Variants in ZSWIM6 observed in about 807,000 individuals in gnomAD.
ZSWIM6 encodes the protein zinc finger SWIM domain-containing protein 6.
Under a neutral mutation model 113.2 loss-of-function variants are expected in ZSWIM6, and 9 were observed. The ratio of observed to expected loss-of-function variants is 0.08; its 90% CI spans 0.05 to 0.14. The LOEUF is 0.14. Among genes scored for constraint, ZSWIM6 ranks in the 10% least tolerant of loss-of-function variants. The probability of loss-of-function intolerance (pLI) is 1.00; values close to 1 mark genes in which losing one functional copy is unlikely to be tolerated. For missense variants in ZSWIM6, 1,162 were observed against 1,552.2 expected (o/e 0.75, Z 4.22); for synonymous variants, 611 against 606.5 (o/e 1.01, Z -0.11).
intron 1 of ZSWIM6, among the ~76,000 whole-genome samples, chr5:61,469,299 T>A (rs779982342): frequency 2.0e-5 from 3 of 152,234 alleles, no homozygotes; most frequent in Non-Finnish European, 1.5e-5. Flanking sequence ...TTTAGAAATA[T>A]TTCTGTCAAA....
Position 61,526,236 on chromosome 5 carries a change from A to T in ZSWIM6, c.1691-14A>T. 2 of 1,538,594 alleles carry T rather than the reference A, an allele frequency of 1.3e-6. No individual in the cohort carries two copies. The highest frequency in any genetic ancestry group is 1.8e-6 in the Non-Finnish European group (2 of 1,141,806). On this transcript the variant is annotated splice_polypyrimidine_tract_variant and intron_variant, in intron 6 of 13. Transcript: ENST00000252744. ...TGACAGTGGCAACTTTACCCCCTTG[A>T]CTTTCTGTTTTAGAACATGTTCCTA...
chr5:61,366,283 C>T (rs1021020538), intron 1 of ZSWIM6, among the ~76,000 whole-genome samples: 2 of 152,186 alleles, frequency 1.3e-5, no homozygotes, highest in African/African-American at 4.8e-5. Context: ...AATATACCAA[C>T]CTGTACCCAC....
intron 1 of ZSWIM6, among the ~76,000 whole-genome samples, chr5:61,456,511 A>G (rs1747208461): frequency 6.6e-6 from 1 of 152,244 alleles, no homozygotes; most frequent in East Asian, 1.9e-4. Context: ...GTCCCCAGCT[A>G]GTTTATAAGT....
At chr5:61,389,905 A>G (rs753122275) in intron 1 of ZSWIM6, among the ~76,000 whole-genome samples, 2 of 152,240 alleles carry the variant, frequency 1.3e-5, no homozygotes, top group Non-Finnish European at 2.9e-5. Context: ...TGATCTGGGA[A>G]TAAAAAAAGC....
intron 4 of ZSWIM6, among the ~76,000 whole-genome samples, chr5:61,515,638 G>A (rs1349912608): frequency 6.6e-6 from 1 of 152,148 alleles, no homozygotes; most frequent in Middle Eastern, 3.2e-3. Flanking sequence ...CAACACTGTT[G>A]CATTGGGGAT....
chr5:61,505,141 G>A (rs1748568126), intron 4 of ZSWIM6, among the ~76,000 whole-genome samples: 1 of 152,178 alleles, frequency 6.6e-6, no homozygotes, highest in South Asian at 2.1e-4. Context: ...CCATGAAACT[G>A]TTTATGAACG....
At chr5:61,517,630 T>C (rs1298903295) in intron 4 of ZSWIM6, among the ~76,000 whole-genome samples, 1 of 151,932 alleles carries the variant, frequency 6.6e-6, no homozygotes, top group East Asian at 1.9e-4. Context: ...CTGTTGACTG[T>C]TTTTTCCCCT....
intron 4 of ZSWIM6, among the ~76,000 whole-genome samples, chr5:61,505,730 T>G: frequency 8.0e-6 from 1 of 124,886 alleles, no homozygotes; most frequent in Admixed American, 8.3e-5. Context: ...CTTCCTTCCC[T>G]CTCTCTCTCT....
At chr5:61,536,084 G>A (rs1051954964) in intron 10 of ZSWIM6, among the ~76,000 whole-genome samples, 1 of 152,218 alleles carries the variant, frequency 6.6e-6, no homozygotes, top group Non-Finnish European at 1.5e-5. Context: ...AGGCACATCT[G>A]TATTCACTGG....
chr5:61,485,075 T>C (rs1747980574), intron 2 of ZSWIM6, among the ~76,000 whole-genome samples: 1 of 152,118 alleles, frequency 6.6e-6, no homozygotes. Context: ...TATGTGCATT[T>C]CTCCCTCCCT....
intron 1 of ZSWIM6, among the ~76,000 whole-genome samples, chr5:61,387,588 T>TG (rs1745614728): frequency 6.6e-6 from 1 of 152,072 alleles, no homozygotes; most frequent in Non-Finnish European, 1.5e-5. Flanking sequence ...ATTGCCAACT[T>TG]GGCAAAACTC....
intron 7 of ZSWIM6, among the ~76,000 whole-genome samples, chr5:61,527,738 G>A (rs765195673): frequency 2.6e-5 from 4 of 152,068 alleles, no homozygotes; most frequent in Non-Finnish European, 4.4e-5. Context: ...GTTATACTGT[G>A]CAAAAAGAGA....
intron 1 of ZSWIM6, among the ~76,000 whole-genome samples, chr5:61,411,082 G>C (rs1746140977): frequency 6.6e-6 from 1 of 152,184 alleles, no homozygotes; most frequent in Non-Finnish European, 1.5e-5. Context: ...CTCTCTGCTT[G>C]TCTGAAGCAC....
intron 1 of ZSWIM6, among the ~76,000 whole-genome samples, chr5:61,415,091 C>T (rs958371990): frequency 6.6e-6 from 1 of 152,210 alleles, no homozygotes; most frequent in Admixed American, 6.5e-5. Flanking sequence ...AAAGCTGATG[C>T]TCCTCGTACT....
chr5:61,414,494 T>C (rs1390074049), intron 1 of ZSWIM6, among the ~76,000 whole-genome samples: 5 of 152,134 alleles, frequency 3.3e-5, no homozygotes, highest in Non-Finnish European at 7.3e-5. Flanking sequence ...AAATCTTTTT[T>C]CCTTTGCCCT....
chr5:61,423,421 C>T (rs939094101), intron 1 of ZSWIM6, among the ~76,000 whole-genome samples: 1 of 137,720 alleles, frequency 7.3e-6, no homozygotes, highest in African/African-American at 2.7e-5. Context: ...AAAAAAAACA[C>T]AAAAAAAAAA....
In ZSWIM6 at chr5:61,525,813, G is replaced by A. The variant is rs1749259322; in HGVS notation, c.1527G>A (p.Arg509=). The A allele has an allele frequency of 6.4e-7, 1 of 1,551,542 alleles. No homozygotes were observed. The highest frequency in any genetic ancestry group is 1.4e-5 in the African/African-American group (1 of 73,020). The change falls in exon 6 of 14, where the codon AGG becomes AGA. Residue 509 remains arginine (R), a synonymous_variant. Coordinates refer to ENST00000252744, the MANE Select transcript of ZSWIM6 (RefSeq NM_020928.2). ...GANANQDSSN[R]PHRTVFTRAI... The stretch of plus-strand genomic sequence containing the variant: ...TGGAAAAAACAGATTCATCGAACAG[G>A]CCACATCGGACAGTGTTCACCCGAG...
chr5:61,433,203 C>T (rs1025454430), intron 1 of ZSWIM6, among the ~76,000 whole-genome samples: 5 of 152,068 alleles, frequency 3.3e-5, no homozygotes, highest in African/African-American at 1.2e-4. Flanking sequence ...ACCTTTCATT[C>T]CCCCTCTAAG....
Position 61,543,562 on chromosome 5 carries a change from C to T in ZSWIM6, c.2893C>T (p.Arg965Cys), listed in dbSNP as rs764619986. The change falls in exon 14 of 14, where the codon CGC (arginine) becomes TGC (cysteine). Residue 965 changes from arginine to cysteine, a missense_variant. Transcript: ENST00000252744. This position sits in a 1 kb window ranked among gnomAD's most constrained non-coding sequence, Gnocchi z 4.3. ...TTVMSNSTIV[R>C]LHLDCHQQEK... ...CGTGATGTCCAACAGCACCATCGTC[C>T]GCCTCCACCTGGACTGCCACCAGCA... 44 of 1,551,680 alleles carry T rather than the reference C, an allele frequency of 2.8e-5. No individual in the cohort carries two copies. The highest frequency in any genetic ancestry group is 1.8e-4 in the South Asian group (15 of 84,038).
Sources: gnomAD v4.1 joint callset for allele counts (sites outside exome capture counted in the v4.1 genomes callset) on GRCh38, gnomAD v4.1.1 for gene constraint, Gnocchi (gnomAD v3.1) non-coding constraint, MANE v1.5 for transcripts, NCBI Gene and HGNC (gene_info 2026-07-23, HGNC 2026-07-21) for gene names.